PCNT: variants seen among roughly 807,000 people sequenced by gnomAD.
The protein encoded by PCNT is kendrin.
PCNT carries 319 observed loss-of-function variants against 380.4 expected under a neutral mutation model. That is an observed-to-expected ratio of 0.84 (90% confidence interval 0.77 to 0.92). The LOEUF is 0.92. PCNT is among the 40% of genes least tolerant of loss of function. The pLI is 0.00. For missense variants in PCNT, 4,400 were observed against 4,255.3 expected (o/e 1.03, Z -0.95); for synonymous variants, 1,845 against 1,735.2 (o/e 1.06, Z -1.57).
intron 3 of PCNT, among the ~76,000 whole-genome samples, chr21:46,339,179 G>T (rs191387749): frequency 6.3e-4 from 96 of 152,296 alleles, no homozygotes; most frequent in African/African-American, 2.3e-3. Context: ...GCCTCCCAAA[G>T]TGCTGGGATT....
intron 13 of PCNT, among the ~76,000 whole-genome samples, chr21:46,361,261 C>G (rs1260246778): frequency 6.6e-6 from 1 of 152,146 alleles, no homozygotes; most frequent in Non-Finnish European, 1.5e-5. Context: ...TATGGTGGTG[C>G]ATGCCTATAA....
At chr21:46,361,119 G>A (rs762647228) in intron 13 of PCNT, among the ~76,000 whole-genome samples, 5 of 152,124 alleles carry the variant, frequency 3.3e-5, no homozygotes, top group Admixed American at 6.5e-5. Flanking sequence ...GGCCCGGCAC[G>A]GTGGCTCAGG....
intron 39 of PCNT, among the ~76,000 whole-genome samples, 169 bp downstream of exon 39, chr21:46,436,317 G>T (rs1189537765): frequency 6.6e-6 from 1 of 152,182 alleles, no homozygotes; most frequent in Non-Finnish European, 1.5e-5. Flanking sequence ...TGGCAAGATG[G>T]CATGTTCATA....
chr21:46,387,722 C>T (rs980796299), intron 17 of PCNT, among the ~76,000 whole-genome samples: 6 of 152,126 alleles, frequency 3.9e-5, no homozygotes, highest in African/African-American at 7.2e-5. Flanking sequence ...ACGGTCCCCA[C>T]GAATGAGTCC....
intron 8 of PCNT, among the ~76,000 whole-genome samples, chr21:46,350,809 G>A (rs1167075738): frequency 6.6e-6 from 1 of 152,032 alleles, no homozygotes; most frequent in African/African-American, 2.4e-5. Context: ...GAGGGGGCTG[G>A]TAGCATCTTC....
chr21:46,341,044 C>T (rs560204691), intron 3 of PCNT, among the ~76,000 whole-genome samples: 56 of 139,690 alleles, frequency 4.0e-4, no homozygotes, highest in Admixed American at 9.8e-4. Context: ...CCACCATATC[C>T]GGCTGATTTT....
At chr21:46,376,486 G>C (rs1212087737) in intron 15 of PCNT, among the ~76,000 whole-genome samples, 3 of 152,230 alleles carry the variant, frequency 2.0e-5, no homozygotes, top group African/African-American at 4.8e-5. Context: ...TGCCTGGCTG[G>C]GCCTGAGGAG....
In PCNT at chr21:46,363,496, T is replaced by C. The variant is rs774230550; in HGVS notation, c.2171T>C (p.Ile724Thr). 3.7e-6 allele frequency: 6 copies of C among 1,612,904 alleles called. No homozygotes were observed. The Admixed American group carries it at 1.0e-4, about 27-fold the overall frequency. The part of the protein sequence containing the change: ...DDLEKVKHNL[I>T]EDHQKELNNA... ...TGTCTGTAGGTAAAACACAATCTAA[T>C]TGAAGACCACCAGAAGGAACTAAAT... Residue 724 changes from isoleucine (I) to threonine (T), a missense_variant, in exon 14 of 47, where the codon ATT becomes ACT. Ile to Thr is a moderately conservative substitution (Grantham distance 89). Transcript: ENST00000359568.
chr21:46,366,071 T>G (rs2084919295), intron 14 of PCNT, among the ~76,000 whole-genome samples: 1 of 151,332 alleles, frequency 6.6e-6, no homozygotes, highest in Non-Finnish European at 1.5e-5. Flanking sequence ...CTTGGGGTTC[T>G]ATTCACTGCC....
At chr21:46,426,881 G>A (rs1221781438) in intron 33 of PCNT, among the ~76,000 whole-genome samples, 1 of 152,222 alleles carries the variant, frequency 6.6e-6, no homozygotes, top group African/African-American at 2.4e-5. Flanking sequence ...CTTTGTGAGG[G>A]AGGGAAGGGC....
intron 15 of PCNT, among the ~76,000 whole-genome samples, chr21:46,379,637 T>C (rs1210268362): frequency 6.6e-6 from 1 of 152,162 alleles, no homozygotes; most frequent in African/African-American, 2.4e-5. Context: ...TCATGTTTCT[T>C]TCTGTTCCCT....
chr21:46,335,300 G>A (rs985011218), intron 3 of PCNT, among the ~76,000 whole-genome samples: 6 of 152,294 alleles, frequency 3.9e-5, no homozygotes, highest in Admixed American at 1.3e-4. Context: ...AATTCCATAC[G>A]TGTTGAGTTG....
intron 27 of PCNT, among the ~76,000 whole-genome samples, chr21:46,403,440 TTGTGTGTGTGGTGCCC>T (rs2086504168): frequency 8.4e-6 from 1 of 119,122 alleles, no homozygotes; most frequent in Non-Finnish European, 1.7e-5. Flanking sequence ...CGTGGGAGAA[TTGTGTGTGTGGTGCCC>T]ACGCGGCACG....
At chr21:46,438,003 G>C (rs2053508777) in intron 40 of PCNT, among the ~76,000 whole-genome samples, 161 bp from the exon 41 acceptor site, 1 of 152,198 alleles carries the variant, frequency 6.6e-6, no homozygotes, top group Non-Finnish European at 1.5e-5. Context: ...CAAAGTCTGT[G>C]ATTCAATGAC....
chr21:46,425,835 T>A lies in PCNT; in HGVS notation c.7184T>A (p.Leu2395Ter). 6.2e-7 allele frequency: 1 copy of A among 1,613,626 alleles called. No individual in the cohort carries two copies. Among genetic ancestry groups the A allele is most frequent in the Non-Finnish European group, 8.5e-7 (1 of 1,180,024 alleles). Residue 2395 changes from leucine (L) to a stop codon, truncating the protein, a stop_gained, in exon 33 of 47, where the codon TTA (leucine) becomes TAA (stop). Coordinates refer to ENST00000359568, the MANE Select transcript of PCNT (RefSeq NM_006031.6). LOFTEE classifies it high-confidence loss of function. The surrounding 1 kb of genome is among the most constrained non-coding windows in gnomAD (Gnocchi z 4.2). The part of the protein sequence containing the change: ...KEVRPKHVKA[L>*]LQMVRDESHQ... ...TGACGCGCTTTCCCGCCACAGGCTT[T>A]ACTGCAGATGGTGCGTGACGAGAGC...
intron 33 of PCNT, 111 bp downstream of exon 33, chr21:46,426,082 T>C (rs1173870763): frequency 3.6e-5 from 42 of 1,165,938 alleles, no homozygotes; most frequent in East Asian, 5.1e-5. Context: ...TTTTTTTTTT[T>C]TTTTTTTTTT....
rs138097697 is a variant in PCNT, at chr21:46,443,861, C to A, written c.9752C>A (p.Pro3251Gln). 3.7e-6 allele frequency: 6 copies of A among 1,613,298 alleles called. No individual in the cohort carries two copies. Among genetic ancestry groups the A allele is most frequent in the South Asian group, 1.1e-5 (1 of 91,054 alleles). The change falls in exon 45 of 47, where the codon CCA becomes CAA. Residue 3251 changes from proline to glutamine, a missense_variant. Transcript: ENST00000359568. ...QSPPRTRESP[P>Q]TRDVPSGHTR... ...CCACCCAGAACCAGAGAGTCCCCCC[C>A]AACCCGGGATGTACCCTCTGGCCAC...
In PCNT at chr21:46,353,084, C is replaced by G. The variant is rs565989845; in HGVS notation, c.1457-20C>G. The G allele has an allele frequency of 4.4e-6, 7 of 1,604,800 alleles. No homozygotes were observed. Among genetic ancestry groups the G allele is most frequent in the Non-Finnish European group, 6.0e-6 (7 of 1,171,914 alleles). ...GGGTGTCCCATTTTAAGACGATTGC[C>G]TGACTCCGTTATGTTGCAGAGCTAC... On this transcript the variant is annotated intron_variant, in intron 9 of 46. Coordinates refer to ENST00000359568, the MANE Select transcript of PCNT (RefSeq NM_006031.6).
rs572334677 is a variant in PCNT at position 46,392,441 on chromosome 21, G to A, written c.4216+1065G>A. Among the ~76,000 whole-genome samples, 286 of 152,232 alleles carry A rather than the reference G, an allele frequency of 1.9e-3. 2 individuals carry two copies. The highest frequency in any genetic ancestry group is 6.5e-3 in the African/African-American group (272 of 41,532). On this transcript the variant is annotated intron_variant, in intron 21 of 46. Coordinates refer to ENST00000359568, the MANE Select transcript of PCNT (RefSeq NM_006031.6). ...TCACCATGTTAGCCAGCCTGGTCTC[G>A]AACTCCTGACCTCAAGTGATCTGCC... is the stretch of plus-strand genomic sequence containing the variant.
Sources: gnomAD v4.1 joint callset for allele counts (sites outside exome capture counted in the v4.1 genomes callset) on GRCh38, gnomAD v4.1.1 for gene constraint, Gnocchi (gnomAD v3.1) non-coding constraint, MANE v1.5 for transcripts, NCBI Gene and HGNC (gene_info 2026-07-23, HGNC 2026-07-21) for gene names.